THSD4: variants seen among roughly 807,000 people sequenced by gnomAD.
THSD4 encodes thrombospondin type 1 domain containing 4.
Under a neutral mutation model 119.0 loss-of-function variants are expected in THSD4, and 69 were observed. The ratio of observed to expected loss-of-function variants is 0.58; its 90% confidence interval spans 0.48 to 0.71. The LOEUF is 0.71. Among genes scored for constraint, THSD4 ranks in the 30% least tolerant of loss-of-function variants. THSD4 has a pLI of 0.00. For synonymous variants in THSD4, 524 were observed against 540.4 expected (o/e 0.97, Z 0.42); for missense variants, 1,393 against 1,391.1 (o/e 1.00, Z -0.02).
intron 7 of THSD4, among the ~76,000 whole-genome samples, chr15:71,437,431 C>A (rs1251604944): frequency 6.6e-6 from 1 of 152,124 alleles, no homozygotes; most frequent in East Asian, 1.9e-4. Flanking sequence ...TTTCTTCCTG[C>A]GATATGAGTT....
intron 6 of THSD4, among the ~76,000 whole-genome samples, chr15:71,367,515 T>C (rs1395980799): frequency 1.3e-5 from 2 of 152,192 alleles, no homozygotes; most frequent in African/African-American, 2.4e-5. Flanking sequence ...TTCCCACCTA[T>C]GAGTGAGAAC....
At chr15:71,765,746 T>C (rs2053704897) in intron 16 of THSD4, among the ~76,000 whole-genome samples, 1 of 151,776 alleles carries the variant, frequency 6.6e-6, no homozygotes, top group East Asian at 1.9e-4. Context: ...TGAAAAACAT[T>C]TTTTTTAATT....
At chr15:71,260,775 G>A (rs981501641) in intron 6 of THSD4, among the ~76,000 whole-genome samples, 1 of 152,158 alleles carries the variant, frequency 6.6e-6, no homozygotes, top group African/African-American at 2.4e-5. Context: ...CTGGTCTTGA[G>A]GGCTGAATTG....
chr15:71,780,592 C>A lies in THSD4; in HGVS notation c.*3218C>A. The A allele has an allele frequency of 2.3e-6, 1 of 442,276 alleles. No homozygotes were observed. The highest frequency in any genetic ancestry group is 4.5e-6 in the Non-Finnish European group (1 of 221,736). The allele number at this position is 442,276 out of a possible 1,614,324, so 27.4% of individuals were successfully genotyped here. A position where few individuals can be genotyped will look rare whatever the true frequency, so the allele number is the denominator to read the frequency against. ...CCACTAGAGGGAGTCAGTTCAGTTC[C>A]GTAAAGGTATGCTCAGTGCCCGCTG... is the stretch of plus-strand genomic sequence containing the variant. On this transcript the variant is annotated 3_prime_UTR_variant, in exon 18 of 18. Coordinates refer to ENST00000261862, the MANE Select transcript of THSD4 (RefSeq NM_024817.3).
chr15:71,374,006 C>G (rs941013749), intron 6 of THSD4, among the ~76,000 whole-genome samples: 1 of 152,204 alleles, frequency 6.6e-6, no homozygotes, highest in Non-Finnish European at 1.5e-5. Context: ...GGACTGAATT[C>G]AACTACAAAA....
chr15:71,561,943 T>C (rs996362762), intron 7 of THSD4, among the ~76,000 whole-genome samples: 6 of 148,572 alleles, frequency 4.0e-5, no homozygotes, highest in African/African-American at 1.5e-4. Flanking sequence ...CTCTCTCTCT[T>C]CTCTAGAGCC....
At chr15:71,373,509 G>A (rs1169467087) in intron 6 of THSD4, among the ~76,000 whole-genome samples, 1 of 152,164 alleles carries the variant, frequency 6.6e-6, no homozygotes, top group Non-Finnish European at 1.5e-5. Context: ...GACTCAAATA[G>A]CAAATCATCA....
At chr15:71,278,832 C>G (rs200560480) in intron 6 of THSD4, among the ~76,000 whole-genome samples, 1 of 152,190 alleles carries the variant, frequency 6.6e-6, no homozygotes, top group East Asian at 1.9e-4. Flanking sequence ...GGCAGGGCGA[C>G]CATAGATTTC....
chr15:71,746,800 G>A (rs200920117), intron 12 of THSD4, 38 bp from the exon 13 acceptor site: 2 of 1,605,332 alleles, frequency 1.2e-6, no homozygotes, highest in African/African-American at 1.3e-5. Flanking sequence ...GTTGACTGAA[G>A]GTTGTCTCTC....
intron 4 of THSD4, among the ~76,000 whole-genome samples, chr15:71,242,143 C>T (rs753421114): frequency 7.9e-5 from 12 of 151,894 alleles, no homozygotes; most frequent in African/African-American, 7.3e-5. Context: ...AGTTCCATTA[C>T]GTAGAAAAGC....
At chr15:71,564,618 C>T (rs79263258) in intron 7 of THSD4, among the ~76,000 whole-genome samples, 21,876 of 133,210 alleles carry the variant, frequency 0.16, 1,963 homozygotes, top group Middle Eastern at 0.25. Flanking sequence ...GTACATTATG[C>T]GTAATACAAT....
In THSD4 at chr15:71,589,360, ATTT is replaced by A. The variant is rs2049752229; in HGVS notation, c.1153-71165_1153-71163del. Among the ~76,000 whole-genome samples the A allele has an allele frequency of 1.6e-5, 2 of 128,098 alleles. 1 individual carries two copies. The highest frequency in any genetic ancestry group is 3.5e-5 in the Non-Finnish European group (2 of 56,626). The allele number at this position is 128,098 out of a possible 152,430, so 84.0% of individuals were successfully genotyped here. On this transcript the variant is annotated intron_variant, in intron 7 of 17. Coordinates refer to ENST00000261862, the MANE Select transcript of THSD4 (RefSeq NM_024817.3). ...TGTGATATAAATTATTTATTTATTT[ATTT>A]TTTTATTTATTGGAGACAGAGTCTC...
At chr15:71,329,877 T>C (rs2045399733) in intron 6 of THSD4, among the ~76,000 whole-genome samples, 2 of 152,178 alleles carry the variant, frequency 1.3e-5, no homozygotes, top group African/African-American at 4.8e-5. Flanking sequence ...GCCCATGAGT[T>C]TGAGACCAGC....
intron 7 of THSD4, among the ~76,000 whole-genome samples, chr15:71,602,954 C>G (rs4301974): frequency 0.95 from 144,968 of 152,326 alleles, 69,426 homozygotes; most frequent in East Asian, 1. Flanking sequence ...TATGTAGCCA[C>G]TGGTGAGAAG....
chr15:71,292,491 C>A (rs1452450667), intron 6 of THSD4, among the ~76,000 whole-genome samples: 1 of 151,820 alleles, frequency 6.6e-6, no homozygotes, highest in African/African-American at 2.4e-5. Flanking sequence ...TTTTGGTTCT[C>A]CTTTCTGTGG....
At chr15:71,202,165 GC>G (rs1477551273) in intron 3 of THSD4, among the ~76,000 whole-genome samples, 3 of 152,154 alleles carry the variant, frequency 2.0e-5, no homozygotes, top group Non-Finnish European at 4.4e-5. Flanking sequence ...ATCTGGAACT[GC>G]TCTGGGAAGG....
intron 7 of THSD4, among the ~76,000 whole-genome samples, chr15:71,621,245 G>A (rs1406407082): frequency 6.6e-6 from 1 of 152,110 alleles, no homozygotes; most frequent in African/African-American, 2.4e-5. Flanking sequence ...TTAATTACGA[G>A]TTTCTACAGG....
intron 7 of THSD4, among the ~76,000 whole-genome samples, chr15:71,588,297 C>T (rs1185098519): frequency 3.6e-5 from 3 of 84,080 alleles, no homozygotes; most frequent in African/African-American, 1.4e-4. Flanking sequence ...CAGAGCGAGA[C>T]TCCGTCTCAA....
chr15:71,681,833 G>C (rs760614840), intron 8 of THSD4, among the ~76,000 whole-genome samples: 8 of 152,160 alleles, frequency 5.3e-5, no homozygotes, highest in Non-Finnish European at 1.2e-4. Context: ...GGGGGCAAAC[G>C]GAAGTTGATC....
Sources: allele counts gnomAD v4.1 joint callset (sites outside exome capture counted in the v4.1 genomes callset), GRCh38; gene constraint gnomAD v4.1.1; transcripts MANE v1.5; gene names NCBI Gene and HGNC (gene_info 2026-07-23, HGNC 2026-07-21).